Variants in SLC12A8 observed in about 807,000 individuals in gnomAD.
SLC12A8 encodes cation-chloride cotransporter 9.
In SLC12A8, 69 loss-of-function variants were observed where a neutral mutation model predicts 75.6. That is an observed-to-expected ratio of 0.91 (90% CI 0.75 to 1.11). The LOEUF (loss-of-function observed/expected upper bound fraction) is 1.11. Among genes scored for constraint, SLC12A8 ranks in the 50% most tolerant of loss-of-function variants. The pLI, the probability that SLC12A8 is intolerant of heterozygous loss-of-function variation, is 0.00. For missense variants in SLC12A8, 877 were observed against 896.7 expected (o/e 0.98, Z 0.28); for synonymous variants, 365 against 372.8 (o/e 0.98, Z 0.24).
At chr3:125,110,977 C>G (rs566800310) in intron 8 of SLC12A8, among the ~76,000 whole-genome samples, 1 of 152,310 alleles carries the variant, frequency 6.6e-6, no homozygotes, top group Admixed American at 6.5e-5. Flanking sequence ...TCTGTTCACA[C>G]GCCCTAATCT....
chr3:125,179,413 T>C (rs959401587), intron 4 of SLC12A8, among the ~76,000 whole-genome samples: 1 of 152,240 alleles, frequency 6.6e-6, no homozygotes, highest in African/African-American at 2.4e-5. Flanking sequence ...CTTTGTGATA[T>C]GCTGATCATA....
In SLC12A8 at chr3:125,177,792, G is replaced by A. The variant is rs201127098; in HGVS notation, c.573C>T (p.Ala191=). The A allele has an allele frequency of 1.2e-5, 20 of 1,614,168 alleles. No individual in the cohort carries two copies. The highest frequency in any genetic ancestry group is 6.7e-5 in the African/African-American group (5 of 75,028). Residue 191 remains alanine, a synonymous_variant, in exon 5 of 14, where the codon GCC becomes GCT. Coordinates refer to ENST00000469902, the MANE Select transcript of SLC12A8 (RefSeq NM_024628.6). Reference sequence around the variant, plus strand: ...CCACCACAAAGTCCAGTGTGGACACGGCCAGCAGGAACAGCAACAGCAGCT... The same window carrying A: ...CCACCACAAAGTCCAGTGTGGACACAGCCAGCAGGAACAGCAACAGCAGCT... ...RLQLLLLFLL[A]VSTLDFVVGS...
In SLC12A8 at chr3:125,082,828, C is replaced by A. The variant is rs1432620388; in HGVS notation, c.*1062G>T. The A allele has an allele frequency of 6.6e-6, 1 of 152,080 alleles. No individual in the cohort carries two copies. Among genetic ancestry groups the A allele is most frequent in the Admixed American group, 6.5e-5 (1 of 15,280 alleles). 9.4% of individuals were successfully genotyped at this position (152,080 alleles called of 1,614,324 possible). On this transcript the variant is annotated 3_prime_UTR_variant, in exon 14 of 14. Coordinates refer to ENST00000469902, the MANE Select transcript of SLC12A8 (RefSeq NM_024628.6). Reference sequence around the variant, plus strand: ...TCATTGCAAAAGATTGGAAAGAATCCAAATGCTCATCATTGTGGAACTGGC... The same window carrying A: ...TCATTGCAAAAGATTGGAAAGAATCAAAATGCTCATCATTGTGGAACTGGC...
rs764228904 is a variant in SLC12A8, at chr3:125,120,595, T to A, written c.824+4A>T. On this transcript the variant is annotated splice_donor_region_variant and intron_variant, in intron 7 of 13. Coordinates refer to ENST00000469902, the MANE Select transcript of SLC12A8 (RefSeq NM_024628.6). ...TCAGACTGATTGCCATGAGGGGAAC[T>A]TACGAGATGCCAACAGCTGCCAGGG... 1.2e-6 allele frequency: 2 copies of A among 1,610,230 alleles called. No individual in the cohort carries two copies. The highest frequency in any genetic ancestry group is 2.7e-5 in the African/African-American group (2 of 74,834).
intron 5 of SLC12A8, chr3:125,154,785 C>T (rs1237245148): frequency 6.6e-5 from 10 of 152,312 alleles, no homozygotes; most frequent in African/African-American, 7.2e-5. Context: ...GTTATGTGAA[C>T]GTCTCTCTCT....
chr3:125,203,809 G>A (rs755407384), intron 2 of SLC12A8, among the ~76,000 whole-genome samples: 12 of 152,160 alleles, frequency 7.9e-5, no homozygotes, highest in Non-Finnish European at 1.5e-4. Context: ...CCTGTAGAAT[G>A]GGATAAAATA....
At chr3:125,212,035 C>T (rs1459462083) in intron 1 of SLC12A8, among the ~76,000 whole-genome samples, 4 of 151,966 alleles carry the variant, frequency 2.6e-5, no homozygotes, top group Admixed American at 2.0e-4. Context: ...ATCTGTGTGG[C>T]GCCTCTCCCC....
intron 5 of SLC12A8, among the ~76,000 whole-genome samples, chr3:125,143,986 A>G (rs914451287): frequency 6.6e-6 from 1 of 152,250 alleles, no homozygotes; most frequent in Non-Finnish European, 1.5e-5. Context: ...AAATTGTTCC[A>G]TCTGCTAACA....
intron 10 of SLC12A8, among the ~76,000 whole-genome samples, chr3:125,095,919 C>A (rs184422249): frequency 1.9e-4 from 27 of 143,134 alleles, no homozygotes; most frequent in African/African-American, 6.6e-4. Context: ...CCTCTAAAAG[C>A]CAGTGATCTT....
At chr3:125,165,690 A>C (rs1934270105) in intron 5 of SLC12A8, among the ~76,000 whole-genome samples, 2 of 152,216 alleles carry the variant, frequency 1.3e-5, no homozygotes, top group South Asian at 4.1e-4. Context: ...AAGGCCACTG[A>C]GTCAGGCATC....
intron 5 of SLC12A8, among the ~76,000 whole-genome samples, chr3:125,147,245 G>A (rs1306284344): frequency 1.3e-5 from 2 of 152,156 alleles, no homozygotes; most frequent in African/African-American, 2.4e-5. Context: ...TTTAACCTGC[G>A]GTGCCACTAA....
Position 125,187,336 on chromosome 3 carries a change from C to T in SLC12A8, c.291G>A (p.Glu97=). ...VTVLSGIGVG[E]RSSIGSGGVY... ...CGCCACCGCTGCCGATGCTGCTGCG[C>T]TCCCCGACGCCAATGCCAGACAGCA... Residue 97 remains glutamate, a synonymous_variant, in exon 4 of 14, where the codon GAG becomes GAA. Transcript: ENST00000469902. The T allele has an allele frequency of 1.2e-6, 2 of 1,614,234 alleles. No homozygotes were observed. The highest frequency in any genetic ancestry group is 1.7e-6 in the Non-Finnish European group (2 of 1,180,044).
intron 6 of SLC12A8, among the ~76,000 whole-genome samples, chr3:125,126,513 C>T (rs1025723824): frequency 6.6e-6 from 1 of 152,206 alleles, no homozygotes; most frequent in South Asian, 2.1e-4. Context: ...TCCCTGCCCC[C>T]TGAATCACCC....
intron 5 of SLC12A8, among the ~76,000 whole-genome samples, chr3:125,177,259 G>A (rs571573183): frequency 4.4e-4 from 65 of 149,162 alleles, no homozygotes; most frequent in African/African-American, 1.2e-3. Flanking sequence ...CTCACTCATA[G>A]GTGGGAATTG....
At chr3:125,182,795 C>T (rs983876469) in intron 4 of SLC12A8, among the ~76,000 whole-genome samples, 2 of 152,142 alleles carry the variant, frequency 1.3e-5, no homozygotes, top group South Asian at 2.1e-4. Context: ...CGTGAGCCAC[C>T]GCGCCTGGCC....
chr3:125,125,899 G>T, intron 6 of SLC12A8: 1 of 981,276 alleles, frequency 1.0e-6, no homozygotes, highest in Non-Finnish European at 1.2e-6. Context: ...GAGCTTATCA[G>T]TTATAATCGG....
chr3:125,196,018 C>G (rs1034048517), intron 2 of SLC12A8, among the ~76,000 whole-genome samples: 4 of 152,176 alleles, frequency 2.6e-5, no homozygotes, highest in African/African-American at 9.7e-5. Flanking sequence ...GAAACATCAG[C>G]TGCAAAAAGG....
chr3:125,114,604 T>C (rs1939262706), intron 8 of SLC12A8, among the ~76,000 whole-genome samples: 1 of 152,156 alleles, frequency 6.6e-6, no homozygotes, highest in South Asian at 2.1e-4. Flanking sequence ...TTTGTATTTT[T>C]TGGTGGAGAT....
At chr3:125,157,416 C>T (rs1237434030) in intron 5 of SLC12A8, among the ~76,000 whole-genome samples, 3 of 152,142 alleles carry the variant, frequency 2.0e-5, no homozygotes, top group Admixed American at 6.5e-5. Context: ...TGCTTTTCAC[C>T]AAGACCTGTG....
Sources: allele counts gnomAD v4.1 joint callset (sites outside exome capture counted in the v4.1 genomes callset), GRCh38; gene constraint gnomAD v4.1.1; transcripts MANE v1.5; gene names NCBI Gene and HGNC (gene_info 2026-07-23, HGNC 2026-07-21).